The following SGCZ variants were observed in gnomAD, a reference collection of about 807,000 sequenced individuals.
The protein encoded by SGCZ is zeta-sarcoglycan.
SGCZ carries 40 observed loss-of-function variants against 41.3 expected under a neutral mutation model. The observed-to-expected ratio is 0.97, with a 90% CI of 0.75 to 1.26. The LOEUF (loss-of-function observed/expected upper bound fraction) is 1.26. Among genes scored for constraint, SGCZ ranks in the 50% most tolerant of loss-of-function variants. SGCZ has a pLI of 0.00. For synonymous variants in SGCZ, 206 were observed against 137.5 expected, an observed-to-expected ratio of 1.50 and a Z score of -3.49; for missense variants, 552 against 369.8, an observed-to-expected ratio of 1.49 and a Z score of -4.04.
intron 3 of SGCZ, among the ~76,000 whole-genome samples, chr8:14,283,864 T>C (rs1687076184): frequency 6.6e-6 from 1 of 152,226 alleles, no homozygotes; most frequent in Non-Finnish European, 1.5e-5. Flanking sequence ...TGAATTAAAC[T>C]AGTTTACATT....
chr8:14,337,714 A>G (rs1460996268), intron 2 of SGCZ, among the ~76,000 whole-genome samples: 1 of 152,306 alleles, frequency 6.6e-6, no homozygotes, highest in Admixed American at 6.5e-5. Context: ...GGACATGCCA[A>G]TTATCAAGGC....
intron 2 of SGCZ, among the ~76,000 whole-genome samples, chr8:14,548,733 G>A (rs542823349): frequency 6.6e-6 from 1 of 152,158 alleles, no homozygotes; most frequent in South Asian, 2.1e-4. Flanking sequence ...TGGTGTATGT[G>A]CCTGTGCATG....
At chr8:15,211,048 G>C (rs554905729) in intron 1 of SGCZ, among the ~76,000 whole-genome samples, 3 of 142,818 alleles carry the variant, frequency 2.1e-5, no homozygotes, top group Non-Finnish European at 4.6e-5. Context: ...TATAGATATA[G>C]ATAGATATAG....
intron 1 of SGCZ, among the ~76,000 whole-genome samples, chr8:14,862,250 A>G (rs1803774935): frequency 6.6e-6 from 1 of 151,934 alleles, no homozygotes; most frequent in South Asian, 2.1e-4. Context: ...TCTGAGGGTC[A>G]TTTAGTGATT....
chr8:14,404,040 C>A (rs1439898788), intron 2 of SGCZ, among the ~76,000 whole-genome samples: 2 of 151,932 alleles, frequency 1.3e-5, no homozygotes, highest in African/African-American at 2.4e-5. Flanking sequence ...GGGGGGCCAA[C>A]AAATCATGTA....
At chr8:14,669,061 G>A (rs183515441) in intron 1 of SGCZ, among the ~76,000 whole-genome samples, 262 of 152,114 alleles carry the variant, frequency 1.7e-3, no homozygotes, top group Non-Finnish European at 3.0e-3. Flanking sequence ...CTGGCCAGGT[G>A]CAGTGGCTCA....
chr8:15,141,920 G>A (rs1011525474), intron 1 of SGCZ, among the ~76,000 whole-genome samples: 2 of 151,262 alleles, frequency 1.3e-5, no homozygotes, highest in Non-Finnish European at 2.9e-5. Context: ...CAAAAAAAAT[G>A]AGAACCTCAG....
In SGCZ at chr8:14,088,924, G is replaced by C. The variant is rs1304058769; in HGVS notation, c.*1519C>G. On this transcript the variant is annotated 3_prime_UTR_variant, in exon 8 of 8. Coordinates refer to ENST00000382080, the MANE Select transcript of SGCZ (RefSeq NM_139167.4). ...TACAGCCATTAATCCCCAAAAGGAA[G>C]TTTCAACACAAATGTTGATAGTGTG... Among the ~76,000 whole-genome samples the C allele has an allele frequency of 6.6e-6, 1 of 151,904 alleles. No homozygotes were observed. Among genetic ancestry groups the C allele is most frequent in the East Asian group, 1.9e-4 (1 of 5,148 alleles).
chr8:14,610,681 C>T (rs1805899548), intron 1 of SGCZ, among the ~76,000 whole-genome samples: 1 of 151,994 alleles, frequency 6.6e-6, no homozygotes, highest in Non-Finnish European at 1.5e-5. Context: ...TGATATAAGG[C>T]AGAAAATATG....
At chr8:15,190,662 T>C (rs559324) in intron 1 of SGCZ, among the ~76,000 whole-genome samples, 20,988 of 149,934 alleles carry the variant, frequency 0.14, 1,638 homozygotes, top group African/African-American at 0.19. Flanking sequence ...TTTACATAAA[T>C]TCTTATTTAA....
chr8:15,238,242 A>G lies in SGCZ; in HGVS notation c.-619T>C, dbSNP rs905181641. 1 of 152,410 alleles carries G rather than the reference A, an allele frequency of 6.6e-6. No homozygotes were observed. Among genetic ancestry groups the G allele is most frequent in the Admixed American group, 6.5e-5 (1 of 15,304 alleles). 9.4% of individuals were successfully genotyped at this position (152,410 alleles called of 1,614,324 possible). ...TCTCAGTGGGGAAAAGAAGATAATC[A>G]AGTCAGAAGGGAACGTTCTCCTTTG... On this transcript the variant is annotated 5_prime_UTR_variant, in exon 1 of 8. Coordinates refer to ENST00000382080, the MANE Select transcript of SGCZ (RefSeq NM_139167.4).
At chr8:14,100,530 T>G (rs1256305781) in intron 7 of SGCZ, among the ~76,000 whole-genome samples, 1 of 135,096 alleles carries the variant, frequency 7.4e-6, no homozygotes, top group East Asian at 2.0e-4. Context: ...ATTAATATAT[T>G]TTCAAAATAT....
chr8:14,193,224 C>A (rs1175061870), intron 4 of SGCZ, among the ~76,000 whole-genome samples: 1 of 151,854 alleles, frequency 6.6e-6, no homozygotes, highest in Non-Finnish European at 1.5e-5. Context: ...TATATGTCTA[C>A]CTTTTCCACT....
intron 3 of SGCZ, among the ~76,000 whole-genome samples, chr8:14,239,899 CTCAAAAAAAAAAAAAAAAAAAA>C (rs1798803031): frequency 1.2e-5 from 1 of 83,452 alleles, no homozygotes; most frequent in Non-Finnish European, 2.2e-5. Context: ...GAGACTCCGT[CTCAAAAAAAAAAAAAAAAAAAA>C]AAAAAAAAAA....
chr8:14,884,636 T>C (rs1354563545), intron 1 of SGCZ, among the ~76,000 whole-genome samples: 2 of 152,146 alleles, frequency 1.3e-5, no homozygotes, highest in Non-Finnish European at 2.9e-5. Context: ...AAAAATATGA[T>C]AGAGATCTCC....
intron 1 of SGCZ, among the ~76,000 whole-genome samples, chr8:14,927,778 T>C (rs1799803175): frequency 6.6e-6 from 1 of 152,188 alleles, no homozygotes; most frequent in African/African-American, 2.4e-5. Flanking sequence ...CGGCATGGTC[T>C]TGCCTTATTA....
At chr8:15,155,374 G>A (rs998423969) in intron 1 of SGCZ, among the ~76,000 whole-genome samples, 14 of 152,292 alleles carry the variant, frequency 9.2e-5, no homozygotes, top group Admixed American at 9.1e-4. Flanking sequence ...TACATTGTAT[G>A]CATGTATTGA....
intron 1 of SGCZ, among the ~76,000 whole-genome samples, chr8:14,740,098 A>C (rs1000983204): frequency 3.3e-5 from 5 of 152,044 alleles, no homozygotes; most frequent in African/African-American, 1.2e-4. Context: ...AAAATGCATA[A>C]GTGATTGTAG....
intron 4 of SGCZ, among the ~76,000 whole-genome samples, chr8:14,197,648 A>G (rs1805309429): frequency 6.6e-6 from 1 of 152,114 alleles, no homozygotes; most frequent in African/African-American, 2.4e-5. Flanking sequence ...TTGGGAATGA[A>G]AAGAAATTTC....
Sources: gnomAD v4.1 joint callset for allele counts (sites outside exome capture counted in the v4.1 genomes callset) on GRCh38, gnomAD v4.1.1 for gene constraint, MANE v1.5 for transcripts, NCBI Gene and HGNC (gene_info 2026-07-23, HGNC 2026-07-21) for gene names.